OPHN1: variants seen among roughly 807,000 people sequenced by gnomAD.
The protein encoded by OPHN1 is oligophrenin 1, also known as oligophrenin-1.
A neutral mutation model predicts 60.7 loss-of-function variants in OPHN1; 11 were observed. The observed-to-expected ratio is 0.18, with a 90% CI of 0.11 to 0.30. OPHN1 has a LOEUF of 0.30. Ranked by LOEUF, OPHN1 falls within the 10% of genes least tolerant of loss-of-function variation. The pLI is 1.00. For missense variants in OPHN1, 449 were observed against 611.0 expected (o/e 0.73, Z 2.80); for synonymous variants, 226 against 222.6 (o/e 1.02, Z -0.14).
intron 2 of OPHN1, among the ~76,000 whole-genome samples, chrX:68,317,577 GAAAGAA>G (rs2078213919): frequency 1.3e-5 from 1 of 75,620 alleles, no homozygotes; most frequent in African/African-American, 6.0e-5. Context: ...GAAAGAAAGA[GAAAGAA>G]AGAAAGAGAG....
intron 2 of OPHN1, among the ~76,000 whole-genome samples, chrX:68,353,661 T>C (rs189043781): frequency 2.7e-5 from 3 of 111,709 alleles, no homozygotes; most frequent in African/African-American, 6.5e-5. Flanking sequence ...TTTTGTAGAA[T>C]ATTAAAGCAT....
chrX:68,428,050 C>T, intron 2 of OPHN1, among the ~76,000 whole-genome samples: 2 of 110,992 alleles, frequency 1.8e-5, no homozygotes, highest in South Asian at 7.7e-4. Context: ...TGCCTATACC[C>T]CAGATGACTC....
At chrX:68,105,055 A>C (rs773138621) in intron 18 of OPHN1, among the ~76,000 whole-genome samples, 1 of 112,467 alleles carries the variant, frequency 8.9e-6, no homozygotes, top group Non-Finnish European at 1.9e-5. Flanking sequence ...CATATGAAAG[A>C]AAGCTCATCA....
intron 2 of OPHN1, 66 bp from the exon 3 acceptor site, chrX:68,299,162 T>C: frequency 1.4e-6 from 1 of 734,364 alleles, no homozygotes. Flanking sequence ...TCCTCATCTC[T>C]ATAAGAGCAG....
At chrX:68,155,619 A>C (rs2077306155) in intron 15 of OPHN1, among the ~76,000 whole-genome samples, 1 of 112,010 alleles carries the variant, frequency 8.9e-6, no homozygotes, top group Non-Finnish European at 1.9e-5. Context: ...AGACTAATAC[A>C]CTACCTCTTC....
rs369580900 is a variant in OPHN1, at chrX:68,201,736, C to T, written c.934-26G>A. On this transcript the variant is annotated intron_variant, in intron 10 of 24. Transcript: ENST00000355520. ...CTGATATGAAACAAGAATTAACAGG[C>T]AATTTTTAAAAAAAGACACAGAAGC... is the stretch of plus-strand genomic sequence containing the variant. The T allele has an allele frequency of 8.8e-6, 10 of 1,138,665 alleles. No individual in the cohort carries two copies. The African/African-American group carries it at 1.6e-4, about 18-fold the overall frequency. The allele number at this position is 1,138,665 out of a possible 1,213,427, so 93.8% of individuals were successfully genotyped here.
rs974557239 is a variant in OPHN1 at position 68,213,758 on chromosome X, T to G, written c.597+104A>C. ...CTACGTTCTAGACATTTCCACTGAT[T>G]ATCCTTCACGTTCTTTGGGATTCTG... On this transcript the variant is annotated intron_variant, in intron 7 of 24. Transcript: ENST00000355520. 4 of 544,419 alleles carry G rather than the reference T, an allele frequency of 7.3e-6. No homozygotes were observed. In the African/African-American group the frequency reaches 9.2e-5, roughly 13 times the overall value. 44.9% of individuals were successfully genotyped at this position (544,419 alleles called of 1,213,427 possible).
intron 2 of OPHN1, among the ~76,000 whole-genome samples, chrX:68,404,114 T>C (rs938376718): frequency 9.1e-6 from 1 of 110,135 alleles, no homozygotes. Flanking sequence ...TGGTATGGGA[T>C]GCCAAAATGG....
Position 68,218,037 on chromosome X carries a change from T to C in OPHN1, c.487-4065A>G, listed in dbSNP as rs1378383621. 5.0e-5 allele frequency among the ~76,000 whole-genome samples: 4 copies of C among 79,218 alleles called. No homozygotes were observed. The East Asian group carries it at 1.5e-3, about 30-fold the overall frequency. 68.8% of individuals were successfully genotyped at this position (79,218 alleles called of 115,157 possible). On this transcript the variant is annotated intron_variant, in intron 6 of 24. Transcript: ENST00000355520. ...AAGAAGTTGAAAACTTTGAAAAAAATTTAGAAGAATGTATAACTAGAATAA... is the reference window on the plus strand; with the variant it reads ...AAGAAGTTGAAAACTTTGAAAAAAACTTAGAAGAATGTATAACTAGAATAA...
At position 68,341,899 on chromosome X, in the gene OPHN1, T is replaced by C. The variant is rs889031498; in HGVS notation, c.155-42803A>G. ...ACAATGTATGAACTCTGAATCCTGA[T>C]TTTCAAATTTAAAAATTTGCATATT... On this transcript the variant is annotated intron_variant, in intron 2 of 24. Transcript: ENST00000355520. 4.5e-5 allele frequency among the ~76,000 whole-genome samples: 5 copies of C among 110,833 alleles called. No individual in the cohort carries two copies. The Admixed American group carries it at 4.9e-4, about 11-fold the overall frequency.
chrX:68,084,316 C>T (rs1434904260), intron 19 of OPHN1, among the ~76,000 whole-genome samples: 3 of 74,712 alleles, frequency 4.0e-5, no homozygotes, highest in Non-Finnish European at 7.1e-5. Context: ...ACAAGACACA[C>T]AAAGAGGTGG....
intron 5 of OPHN1, among the ~76,000 whole-genome samples, chrX:68,243,177 T>C (rs767650856): frequency 1.8e-5 from 2 of 110,679 alleles, no homozygotes; most frequent in South Asian, 3.8e-4. Context: ...AATAAGAAAA[T>C]TCATAGAGAA....
At chrX:68,238,500 A>G in intron 5 of OPHN1, among the ~76,000 whole-genome samples, 1 of 111,066 alleles carries the variant, frequency 9.0e-6, no homozygotes, top group Middle Eastern at 4.6e-3. Flanking sequence ...AGGAGAATTA[A>G]CATCTGTATA....
At chrX:68,347,319 C>A (rs1239394598) in intron 2 of OPHN1, among the ~76,000 whole-genome samples, 1 of 111,135 alleles carries the variant, frequency 9.0e-6, no homozygotes, top group East Asian at 2.8e-4. Context: ...TTTTAACACC[C>A]ATATATTTAT....
rs990222131 is a variant in OPHN1, at chrX:68,282,076, T to C, written c.312+980A>G. On this transcript the variant is annotated intron_variant, in intron 4 of 24. Coordinates refer to ENST00000355520, the MANE Select transcript of OPHN1 (RefSeq NM_002547.3). Reference sequence around the variant, plus strand: ...TTTACACTCCAGCAATTACACTCCTTATTATTTAACCAAATCAGTTGGAAA... The same window carrying C: ...TTTACACTCCAGCAATTACACTCCTCATTATTTAACCAAATCAGTTGGAAA... Among the ~76,000 whole-genome samples the C allele has an allele frequency of 2.7e-5, 3 of 112,242 alleles. No homozygotes were observed. In the Admixed American group the frequency reaches 2.8e-4, roughly 11 times the overall value.
At chrX:68,376,563 A>G (rs2078558259) in intron 2 of OPHN1, among the ~76,000 whole-genome samples, 6 of 111,491 alleles carry the variant, frequency 5.4e-5, no homozygotes, top group Admixed American at 4.8e-4. Flanking sequence ...AGGCAAGGCC[A>G]CAGAAGGAGT....
At chrX:68,265,145 C>A (rs1283728124) in intron 5 of OPHN1, among the ~76,000 whole-genome samples, 1 of 112,359 alleles carries the variant, frequency 8.9e-6, no homozygotes, top group East Asian at 2.8e-4. Flanking sequence ...CTTCTGCAGA[C>A]TTAAATGTCC....
intron 15 of OPHN1, among the ~76,000 whole-genome samples, chrX:68,144,467 CAAAT>C (rs745353054): frequency 4.5e-5 from 5 of 110,985 alleles, no homozygotes; most frequent in Non-Finnish European, 7.5e-5. Context: ...CATAGTCACA[CAAAT>C]AAGTTTCAGT....
At chrX:68,127,830 T>A (rs977298525) in intron 15 of OPHN1, among the ~76,000 whole-genome samples, 1 of 111,554 alleles carries the variant, frequency 9.0e-6, no homozygotes, top group Non-Finnish European at 1.9e-5. Context: ...TCCCCCTACA[T>A]CAGGTAAACC....
Sources: gnomAD v4.1 joint callset for allele counts (sites outside exome capture counted in the v4.1 genomes callset) on GRCh38, gnomAD v4.1.1 for gene constraint, MANE v1.5 for transcripts, NCBI Gene and HGNC (gene_info 2026-07-23, HGNC 2026-07-21) for gene names.